Variants in ADAMTS16 observed in about 807,000 individuals in gnomAD.
ADAMTS16 encodes A disintegrin and metalloproteinase with thrombospondin motifs 16.
In ADAMTS16, 94 loss-of-function variants were observed where a neutral mutation model predicts 145.8. The ratio of observed to expected loss-of-function variants is 0.64; its 90% CI spans 0.55 to 0.77. ADAMTS16 has a LOEUF of 0.77. Among genes scored for constraint, ADAMTS16 ranks in the 30% least tolerant of loss-of-function variants. The probability of loss-of-function intolerance (pLI) is 0.00; values close to 1 mark genes in which losing one functional copy is unlikely to be tolerated. For missense variants in ADAMTS16, 1,585 were observed against 1,591.5 expected, an observed-to-expected ratio of 1.00 and a Z score of 0.07; for synonymous variants, 659 against 604.3, an observed-to-expected ratio of 1.09 and a Z score of -1.33.
At chr5:5,197,662 C>A (rs1735843999) in intron 8 of ADAMTS16, among the ~76,000 whole-genome samples, 1 of 152,194 alleles carries the variant, frequency 6.6e-6, no homozygotes. Context: ...AGTTATAGTT[C>A]TTGGTTGCCA....
chr5:5,191,136 G>T (rs1364042026), intron 7 of ADAMTS16, among the ~76,000 whole-genome samples: 1 of 152,168 alleles, frequency 6.6e-6, no homozygotes, highest in Non-Finnish European at 1.5e-5. Context: ...GTGTGTGCCT[G>T]TTTCCCCCGA....
chr5:5,186,455 T>A (rs1167458686), intron 5 of ADAMTS16, among the ~76,000 whole-genome samples: 3 of 151,284 alleles, frequency 2.0e-5, no homozygotes, highest in Admixed American at 1.3e-4. Flanking sequence ...CTTCATAGAC[T>A]AATTCAGTAG....
At position 5,165,305 on chromosome 5, in the gene ADAMTS16, C is replaced by T. The variant is rs1171927006; in HGVS notation, c.502-16739C>T. Among the ~76,000 whole-genome samples, 4 of 152,128 alleles carry T rather than the reference C, an allele frequency of 2.6e-5. No individual in the cohort carries two copies. In the East Asian group the frequency reaches 7.7e-4, roughly 29 times the overall value. On this transcript the variant is annotated intron_variant, in intron 3 of 22. Transcript: ENST00000274181. ...CCTCCTTTCCATTGCTCAGCGGCGC[C>T]CCATCGTATCCCACTGTGTTTATCC... is the stretch of plus-strand genomic sequence containing the variant.
chr5:5,239,750 C>A lies in ADAMTS16; in HGVS notation c.2348C>A (p.Thr783Asn), dbSNP rs1187361885. The change falls in exon 16 of 23, where the codon ACC becomes AAC. Residue 783 changes from threonine (T) to asparagine (N), a missense_variant. Physicochemically the swap from Thr to Asn is moderately conservative, Grantham distance 65. Transcript: ENST00000274181. ...CGCATCTATGAAATGAACGTCTCTA[C>A]CTCCTACATTTCTGTGCGCAATGCC... Reference protein sequence around the residue: ...SIRIYEMNVSTSYISVRNALR... With the variant: ...SIRIYEMNVSNSYISVRNALR... The A allele has an allele frequency of 8.1e-6, 13 of 1,614,026 alleles. No individual in the cohort carries two copies. Among genetic ancestry groups the A allele is most frequent in the Admixed American group, 1.7e-5 (1 of 60,002 alleles).
intron 3 of ADAMTS16, among the ~76,000 whole-genome samples, chr5:5,175,236 G>A (rs1735155351): frequency 6.6e-6 from 1 of 152,172 alleles, no homozygotes; most frequent in African/African-American, 2.4e-5. Flanking sequence ...ATCCTGACAG[G>A]ACTGGGTCAT....
chr5:5,194,765 G>C (rs957382307), intron 8 of ADAMTS16, among the ~76,000 whole-genome samples: 1 of 152,126 alleles, frequency 6.6e-6, no homozygotes, highest in Admixed American at 6.5e-5. Flanking sequence ...GAGCATCAAC[G>C]GTCTGCTTTT....
At chr5:5,206,242 C>T (rs1272595885) in intron 9 of ADAMTS16, among the ~76,000 whole-genome samples, 15 of 148,128 alleles carry the variant, frequency 1.0e-4, no homozygotes, top group Admixed American at 6.7e-4. Flanking sequence ...CCGGCTAACA[C>T]GGTGAAACCC....
At chr5:5,172,615 A>C (rs1037692353) in intron 3 of ADAMTS16, among the ~76,000 whole-genome samples, 5 of 152,078 alleles carry the variant, frequency 3.3e-5, no homozygotes, top group African/African-American at 1.2e-4. Flanking sequence ...ACTTGATAGA[A>C]TTTCAGGGTT....
At chr5:5,199,447 T>C (rs2126589668) in intron 8 of ADAMTS16, among the ~76,000 whole-genome samples, 1 of 152,238 alleles carries the variant, frequency 6.6e-6, no homozygotes, top group East Asian at 1.9e-4. Flanking sequence ...CATAAATACA[T>C]GAAGCCATAG....
intron 21 of ADAMTS16, among the ~76,000 whole-genome samples, chr5:5,314,753 A>G (rs974354262): frequency 2.0e-5 from 3 of 152,174 alleles, no homozygotes; most frequent in Non-Finnish European, 4.4e-5. Flanking sequence ...TGTGCATAGG[A>G]ATCATCTGGG....
chr5:5,217,680 T>A (rs1334718952), intron 10 of ADAMTS16, among the ~76,000 whole-genome samples: 1 of 152,202 alleles, frequency 6.6e-6, no homozygotes, highest in South Asian at 2.1e-4. Flanking sequence ...TTGGTATTAC[T>A]GAAATTGGTT....
At chr5:5,145,584 G>C (rs568121787) in intron 2 of ADAMTS16, among the ~76,000 whole-genome samples, 2 of 152,352 alleles carry the variant, frequency 1.3e-5, no homozygotes, top group East Asian at 3.9e-4. Context: ...TGGCTTACCA[G>C]TAGTTATTTT....
At chr5:5,159,487 T>C (rs983983449) in intron 3 of ADAMTS16, among the ~76,000 whole-genome samples, 2 of 152,152 alleles carry the variant, frequency 1.3e-5, no homozygotes, top group African/African-American at 4.8e-5. Context: ...CAAGTATTTG[T>C]TCTCCTCAGT....
At chr5:5,203,174 A>C (rs1287596303) in intron 9 of ADAMTS16, among the ~76,000 whole-genome samples, 2 of 152,200 alleles carry the variant, frequency 1.3e-5, no homozygotes, top group African/African-American at 4.8e-5. Context: ...ACGTGCTTAC[A>C]GATTTGTTTT....
intron 3 of ADAMTS16, among the ~76,000 whole-genome samples, chr5:5,151,365 A>G (rs1323743758): frequency 2.0e-5 from 3 of 151,704 alleles, no homozygotes; most frequent in Admixed American, 6.6e-5. Context: ...CAGCCTCCCG[A>G]GTACCTGGGA....
intron 8 of ADAMTS16, among the ~76,000 whole-genome samples, chr5:5,193,433 ACT>A (rs1317861912): frequency 6.6e-6 from 1 of 152,166 alleles, no homozygotes; most frequent in Non-Finnish European, 1.5e-5. Flanking sequence ...AACTTCAAAA[ACT>A]CTCATTATTG....
intron 3 of ADAMTS16, among the ~76,000 whole-genome samples, chr5:5,170,708 A>ATT (rs71604108): frequency 3.9e-3 from 577 of 148,786 alleles, no homozygotes; most frequent in Non-Finnish European, 5.0e-3. Context: ...AAATTCTTAG[A>ATT]TTTTTTTTTT....
intron 18 of ADAMTS16, among the ~76,000 whole-genome samples, chr5:5,273,981 T>C (rs1738584856): frequency 6.6e-6 from 1 of 152,232 alleles, no homozygotes; most frequent in Admixed American, 6.5e-5. Flanking sequence ...TTATATTTTG[T>C]TTGCTTGATT....
At chr5:5,202,358 T>C (rs750674222) in intron 9 of ADAMTS16, among the ~76,000 whole-genome samples, 19 of 152,178 alleles carry the variant, frequency 1.2e-4, no homozygotes, top group Non-Finnish European at 2.6e-4. Context: ...TCTGGGAATA[T>C]ACACTTGATC....
Sources: gnomAD v4.1 joint callset for allele counts (sites outside exome capture counted in the v4.1 genomes callset) on GRCh38, gnomAD v4.1.1 for gene constraint, MANE v1.5 for transcripts, NCBI Gene and HGNC (gene_info 2026-07-23, HGNC 2026-07-21) for gene names.